ASB7: variants seen among roughly 807,000 people sequenced by gnomAD.
ASB7 encodes the protein ankyrin repeat and SOCS box containing 7, also known as ankyrin repeat and SOCS box protein 7.
Under a neutral mutation model 32.5 loss-of-function variants are expected in ASB7, and 4 were observed. That is an observed-to-expected ratio of 0.12 (90% CI 0.06 to 0.28). ASB7 has a LOEUF of 0.28. ASB7 is among the 10% of genes least tolerant of loss of function. The pLI is 1.00. For synonymous variants in ASB7, 172 were observed against 155.6 expected, an observed-to-expected ratio of 1.11 and a Z score of -0.78; for missense variants, 181 against 407.1, an observed-to-expected ratio of 0.44 and a Z score of 4.78.
intron 5 of ASB7, chr15:100,646,404 T>C: frequency 2.5e-6 from 1 of 403,146 alleles, no homozygotes; most frequent in South Asian, 2.0e-5. Flanking sequence ...TCTCCGCGTA[T>C]TCTCTTTCCA....
At chr15:100,641,976 C>A (rs896632207) in intron 5 of ASB7, among the ~76,000 whole-genome samples, 4 of 152,206 alleles carry the variant, frequency 2.6e-5, no homozygotes, top group Non-Finnish European at 5.9e-5. Context: ...CAAATCCAGG[C>A]AGCCTGGCTC....
chr15:100,609,445 T>C (rs1309297309), intron 2 of ASB7: 1 of 152,196 alleles, frequency 6.6e-6, no homozygotes, highest in Non-Finnish European at 1.5e-5. Flanking sequence ...ATTCCAAATA[T>C]GTGATTTATT....
intron 5 of ASB7, among the ~76,000 whole-genome samples, chr15:100,644,102 G>C (rs1369467984): frequency 6.6e-6 from 1 of 152,096 alleles, no homozygotes; most frequent in Non-Finnish European, 1.5e-5. Context: ...ACAAAAGTTA[G>C]CTGGGCGTGG....
chr15:100,613,096 C>G (rs1330332075), intron 4 of ASB7, among the ~76,000 whole-genome samples: 2 of 152,178 alleles, frequency 1.3e-5, no homozygotes, highest in African/African-American at 4.8e-5. Context: ...TTTCAGCCTA[C>G]TTTATTTTCC....
At chr15:100,623,674 A>G (rs2141396130) in intron 4 of ASB7, among the ~76,000 whole-genome samples, 2 of 152,330 alleles carry the variant, frequency 1.3e-5, no homozygotes, top group Middle Eastern at 6.8e-3. Context: ...AAAACTGGAC[A>G]TTTCTCAAAT....
Position 100,609,690 on chromosome 15 carries a change from T to C in ASB7, c.-173-17T>C, listed in dbSNP as rs1017288662. ...TTAAGGAATTTTCCTATGATTGTTA[T>C]TTTTATTTGTTTCTAGGTTAAGAAG... On this transcript the variant is annotated splice_polypyrimidine_tract_variant and intron_variant, in intron 2 of 5. Coordinates refer to ENST00000332783, the MANE Select transcript of ASB7 (RefSeq NM_198243.3). 6.6e-6 allele frequency: 1 copy of C among 152,196 alleles called. No homozygotes were observed. The highest frequency in any genetic ancestry group is 6.5e-5 in the Admixed American group (1 of 15,286). The allele number at this position is 152,196 out of a possible 1,614,324, so 9.4% of individuals were successfully genotyped here.
In ASB7 at chr15:100,613,238, G is replaced by C. The variant is rs534593594; in HGVS notation, c.211+811G>C. 2.0e-5 allele frequency among the ~76,000 whole-genome samples: 3 copies of C among 152,354 alleles called. No homozygotes were observed. In the South Asian group the frequency reaches 6.2e-4, roughly 32 times the overall value. On this transcript the variant is annotated intron_variant, in intron 4 of 5. Transcript: ENST00000332783. ...AGGGCTTTAATTGCTCATTAGAAGT[G>C]ATTTAGTTTCCTTCCTAAGGTGCAC...
Position 100,648,224 on chromosome 15 carries a change from A to G in ASB7, c.818-99A>G, listed in dbSNP as rs188412002. 2,830 of 1,297,290 alleles carry G rather than the reference A, an allele frequency of 2.2e-3. 4 individuals are homozygous for G. Among genetic ancestry groups the G allele is most frequent in the Non-Finnish European group, 2.4e-3 (2,332 of 962,390 alleles). 80.4% of individuals were successfully genotyped at this position (1,297,290 alleles called of 1,614,324 possible). A position where few individuals can be genotyped will look rare whatever the true frequency, so the allele number is the denominator to read the frequency against. On this transcript the variant is annotated intron_variant, in intron 5 of 5. Transcript: ENST00000332783. The stretch of plus-strand genomic sequence containing the variant: ...TTCCGGTCCTTTGCATGTCAAGTCC[A>G]TAGAGAGAACTTCCAGGGAAATGAA...
chr15:100,602,941 C>T lies in ASB7; in HGVS notation c.-378C>T. The stretch of plus-strand genomic sequence containing the variant: ...GGGGCCGTGAGGCACCGAGGAGGAT[C>T]AGGAACACCAGGGTCCGGCCCTGCC... On this transcript the variant is annotated 5_prime_UTR_variant, in exon 1 of 6. Coordinates refer to ENST00000332783, the MANE Select transcript of ASB7 (RefSeq NM_198243.3). 1 of 398,996 alleles carries T rather than the reference C, an allele frequency of 2.5e-6. No individual in the cohort carries two copies. Among genetic ancestry groups the T allele is most frequent in the African/African-American group, 2.1e-5 (1 of 48,764 alleles). The allele number at this position is 398,996 out of a possible 1,614,324, so 24.7% of individuals were successfully genotyped here.
At chr15:100,611,481 A>ATTTTTTTTTTTTTTTT (rs1188398570) in intron 3 of ASB7, among the ~76,000 whole-genome samples, 9 of 13,282 alleles carry the variant, frequency 6.8e-4, no homozygotes, top group African/African-American at 8.4e-4. Context: ...GATTGTTTCG[A>ATTTTTTTTTTTTTTTT]TTCTTTTTTT....
chr15:100,633,717 A>G (rs1053239426), intron 5 of ASB7, among the ~76,000 whole-genome samples: 4 of 152,102 alleles, frequency 2.6e-5, no homozygotes, highest in African/African-American at 9.7e-5. Flanking sequence ...AAAAAGAGAA[A>G]TAAATGGTAG....
chr15:100,618,926 A>T (rs1178290671), intron 4 of ASB7, among the ~76,000 whole-genome samples: 1 of 152,214 alleles, frequency 6.6e-6, no homozygotes, highest in Non-Finnish European at 1.5e-5. Flanking sequence ...CAGTTTTTAC[A>T]TTAAAAATTC....
intron 4 of ASB7, among the ~76,000 whole-genome samples, chr15:100,618,571 T>C (rs1176311634): frequency 6.6e-6 from 1 of 152,116 alleles, no homozygotes; most frequent in Non-Finnish European, 1.5e-5. Context: ...AAGACTTGAC[T>C]TTTCACTCTC....
intron 5 of ASB7, among the ~76,000 whole-genome samples, chr15:100,638,769 G>A (rs922459896): frequency 9.9e-5 from 15 of 152,126 alleles, no homozygotes; most frequent in South Asian, 6.2e-4. Context: ...GGTTTGCTGC[G>A]CCCATCAACC....
chr15:100,641,811 A>G (rs1019736465), intron 5 of ASB7, among the ~76,000 whole-genome samples: 1 of 152,242 alleles, frequency 6.6e-6, no homozygotes, highest in Non-Finnish European at 1.5e-5. Context: ...CCTGGTACTT[A>G]GTATGTGCTT....
chr15:100,615,317 T>C (rs969863016), intron 4 of ASB7, among the ~76,000 whole-genome samples: 1 of 152,218 alleles, frequency 6.6e-6, no homozygotes, highest in African/African-American at 2.4e-5. Context: ...TCATTTAAAG[T>C]GTACAGTTAA....
At chr15:100,645,975 T>C in intron 5 of ASB7, 1 of 517,214 alleles carries the variant, frequency 1.9e-6, no homozygotes, top group Non-Finnish European at 3.7e-6. Context: ...GTTTCTTTCT[T>C]GGTCAGTTTG....
chr15:100,607,052 C>A (rs1475125398), intron 2 of ASB7, among the ~76,000 whole-genome samples: 2 of 151,728 alleles, frequency 1.3e-5, no homozygotes, highest in African/African-American at 2.4e-5. Flanking sequence ...ACTTAGGAGG[C>A]TGAGGCAGGA....
intron 5 of ASB7, chr15:100,646,404 TTC>T (rs1258474706): frequency 5.0e-6 from 2 of 403,028 alleles, no homozygotes; most frequent in Non-Finnish European, 1.0e-5. Flanking sequence ...TCTCCGCGTA[TTC>T]TCTTTCCACA....
Sources: gnomAD v4.1 joint callset for allele counts (sites outside exome capture counted in the v4.1 genomes callset) on GRCh38, gnomAD v4.1.1 for gene constraint, MANE v1.5 for transcripts, NCBI Gene and HGNC (gene_info 2026-07-23, HGNC 2026-07-21) for gene names.